The following C16orf96 variants were observed in gnomAD, a reference collection of about 807,000 sequenced individuals.
C16orf96 encodes uncharacterized protein C16orf96.
A neutral mutation model predicts 103.6 loss-of-function variants in C16orf96; 108 were observed. The ratio of observed to expected loss-of-function variants is 1.04; its 90% CI spans 0.89 to 1.22. The LOEUF (loss-of-function observed/expected upper bound fraction) is 1.22, where lower values mean the gene tolerates loss of function less well. Ranked by LOEUF, C16orf96 falls within the 50% of genes most tolerant of loss-of-function variation. The probability of loss-of-function intolerance (pLI) is 0.00; values close to 1 mark genes in which losing one functional copy is unlikely to be tolerated. For missense variants in C16orf96, 1,586 were observed against 1,464.2 expected, an observed-to-expected ratio of 1.08 and a Z score of -1.36; for synonymous variants, 566 against 593.5, an observed-to-expected ratio of 0.95 and a Z score of 0.67.
chr16:4,593,161 A>G lies in C16orf96; in HGVS notation c.2775-63A>G. On this transcript the variant is annotated intron_variant, in intron 11 of 15. Coordinates refer to ENST00000444310, the MANE Select transcript of C16orf96 (RefSeq NM_001145011.2). The surrounding 1 kb of genome is among the most constrained non-coding windows in gnomAD (Gnocchi z 4.2). ...GGAAGGCTTCCTGGAGGGGTGGGAG[A>G]CGAGCCCTCTGCTGGCCTAGCACGC... 6.9e-7 allele frequency: 1 copy of G among 1,458,534 alleles called. No individual in the cohort carries two copies. The highest frequency in any genetic ancestry group is 9.4e-7 in the Non-Finnish European group (1 of 1,065,008). The allele number at this position is 1,458,534 out of a possible 1,614,324, so 90.3% of individuals were successfully genotyped here.
At position 4,600,116 on chromosome 16, in the gene C16orf96, C is replaced by T. The variant is rs978937048; in HGVS notation, c.3225C>T (p.Ser1075=). Residue 1075 remains serine, a synonymous_variant, in exon 16 of 16, where the codon TCC becomes TCT. Coordinates refer to ENST00000444310, the MANE Select transcript of C16orf96 (RefSeq NM_001145011.2). ...CCTCCCCAGCCCTGTGCCCCCGCTC[C>T]AGTGCCTGCTCAGCTGCCTCGGGCC... ...GAICPPLCPR[S]SACSAASGPH... The T allele has an allele frequency of 6.4e-7, 1 of 1,551,808 alleles. No homozygotes were observed. Among genetic ancestry groups the T allele is most frequent in the African/African-American group, 1.4e-5 (1 of 73,140 alleles).
At position 4,576,565 on chromosome 16, in the gene C16orf96, C is replaced by T. The variant is rs1422480686; in HGVS notation, c.2085C>T (p.Val695=). 11 of 1,547,726 alleles carry T rather than the reference C, an allele frequency of 7.1e-6. No individual in the cohort carries two copies. Among genetic ancestry groups the T allele is most frequent in the East Asian group, 4.9e-5 (2 of 40,844 alleles). The change falls in exon 5 of 16, where the codon GTC becomes GTT. Residue 695 remains valine (V), a synonymous_variant. Transcript: ENST00000444310. ...YSMSHIAQIP[V]KHDSLKEEFA... ...TGAGCCACATAGCCCAGATACCTGT[C>T]AAACACGACTCTCTGAAGGAAGAAT... is the stretch of plus-strand genomic sequence containing the variant.
rs1897104717 is a variant in C16orf96 at position 4,593,414 on chromosome 16, A to C, written c.2867+98A>C. 4.0e-5 allele frequency: 47 copies of C among 1,186,614 alleles called. No individual in the cohort carries two copies. Among genetic ancestry groups the C allele is most frequent in the Non-Finnish European group, 5.4e-5 (45 of 834,030 alleles). 73.5% of individuals were successfully genotyped at this position (1,186,614 alleles called of 1,614,324 possible). ...CTGCAGAGACACATCCTCCAGGCCC[A>C]GGGACCTAAGATTGTCCTGGACATG... On this transcript the variant is annotated intron_variant, in intron 12 of 15. Transcript: ENST00000444310. The surrounding 1 kb of genome is among the most constrained non-coding windows in gnomAD (Gnocchi z 4.2).
Position 4,600,688 on chromosome 16 carries a change from A to C in C16orf96, c.*371A>C. ...ACCCAGTGGCTGTTTTATCCTGTGC[A>C]TATAAATACAAACAGCACAGTGCAC... On this transcript the variant is annotated 3_prime_UTR_variant, in exon 16 of 16. Coordinates refer to ENST00000444310, the MANE Select transcript of C16orf96 (RefSeq NM_001145011.2). 1 of 274,948 alleles carries C rather than the reference A, an allele frequency of 3.6e-6. No homozygotes were observed. 17.0% of individuals were successfully genotyped at this position (274,948 alleles called of 1,614,324 possible).
intron 6 of C16orf96, 100 bp from the exon 7 acceptor site, chr16:4,579,915 C>G: frequency 1.0e-6 from 1 of 1,004,496 alleles, no homozygotes; most frequent in Non-Finnish European, 1.5e-6. Flanking sequence ...CCAGCCTGGT[C>G]TGGTACATTC....
rs886102614 is a variant in C16orf96, at chr16:4,593,234, A to C, written c.2785A>C (p.Thr929Pro). Reference sequence around the variant, plus strand: ...CTTGTCCTCCAACAGACAGCTGATCACCATCCGCAAAGCCCACCTGCTGTC... The same window carrying C: ...CTTGTCCTCCAACAGACAGCTGATCCCCATCCGCAAAGCCCACCTGCTGTC... Reference protein sequence around the residue: ...VEMMTGPQLITIRKAHLLSRL... With the variant: ...VEMMTGPQLIPIRKAHLLSRL... Residue 929 changes from threonine (T) to proline (P), a missense_variant, in exon 12 of 16, where the codon ACC (threonine) becomes CCC (proline). By Grantham distance (38) the Thr-to-Pro change is conservative. Transcript: ENST00000444310. The surrounding 1 kb of genome is among the most constrained non-coding windows in gnomAD (Gnocchi z 4.2). 190 of 1,550,822 alleles carry C rather than the reference A, an allele frequency of 1.2e-4. 2 individuals are homozygous for C. The Admixed American group carries it at 3.6e-3, about 29-fold the overall frequency.
At position 4,582,285 on chromosome 16, in the gene C16orf96, A is replaced by AAAAT. The variant is rs140485410; in HGVS notation, c.2352+2199_2352+2202dup. 1.9e-3 allele frequency among the ~76,000 whole-genome samples: 286 copies of AAAAT among 149,330 alleles called. 3 individuals are homozygous for AAAAT. Among genetic ancestry groups the AAAAT allele is most frequent in the African/African-American group, 6.9e-3 (278 of 40,166 alleles). ...CGACAAGAGCAAGACTCAGTCTCAAAAAATAAATAAATAAATAAATAAATA... is the reference window on the plus strand; with the variant it reads ...CGACAAGAGCAAGACTCAGTCTCAAAAAATAAATAAATAAATAAATAAATAAATA... On this transcript the variant is annotated intron_variant, in intron 7 of 15. Transcript: ENST00000444310.
chr16:4,570,686 T>C (rs2059428495), intron 1 of C16orf96, among the ~76,000 whole-genome samples: 3 of 152,144 alleles, frequency 2.0e-5, no homozygotes, highest in Admixed American at 6.6e-5. Flanking sequence ...CAGACTGTTA[T>C]CGAACTCCTG....
rs1271331196 is a variant in C16orf96 at position 4,578,619 on chromosome 16, G to A, written c.2156-321G>A. On this transcript the variant is annotated intron_variant, in intron 5 of 15. Coordinates refer to ENST00000444310, the MANE Select transcript of C16orf96 (RefSeq NM_001145011.2). ...CTAAAAATACAAAAATTAGCTGGGC[G>A]TGGTGGCGTGTGCCTGTAATCCCAG... 6.6e-5 allele frequency among the ~76,000 whole-genome samples: 10 copies of A among 151,994 alleles called. No homozygotes were observed. In the East Asian group the frequency reaches 7.8e-4, roughly 12 times the overall value.
At chr16:4,551,090 T>C in the C16orf96 span, among the ~76,000 whole-genome samples, 1 of 152,118 alleles carries the variant, frequency 6.6e-6, no homozygotes, top group Non-Finnish European at 1.5e-5. Flanking sequence ...CTGGCCAACA[T>C]GGTGAGACCC....
chr16:4,594,674 C>A (rs1326214786), intron 13 of C16orf96, 30 bp from the exon 14 acceptor site: 1 of 1,550,248 alleles, frequency 6.5e-7, no homozygotes, highest in East Asian at 2.4e-5. Flanking sequence ...GTCGGGGGCT[C>A]CCTAACCCGG....
At chr16:4,582,711 C>T (rs1219242397) in intron 7 of C16orf96, among the ~76,000 whole-genome samples, 2 of 152,128 alleles carry the variant, frequency 1.3e-5, no homozygotes, top group Non-Finnish European at 2.9e-5. Flanking sequence ...TCTTGGTGCC[C>T]TTTCTCCATG....
chr16:4,579,070 G>C, intron 6 of C16orf96, 45 bp downstream of exon 6: 1 of 1,515,204 alleles, frequency 6.6e-7, no homozygotes, highest in Non-Finnish European at 9.0e-7. Context: ...GATGGCTTGA[G>C]GTGAGCTGGC....
Position 4,556,746 on chromosome 16 carries a change from G to A in C16orf96, c.257G>A (p.Ser86Asn), listed in dbSNP as rs1384519806. The A allele has an allele frequency of 1.4e-5, 21 of 1,551,514 alleles. No homozygotes were observed. Among genetic ancestry groups the A allele is most frequent in the Non-Finnish European group, 8.7e-7 (1 of 1,147,006 alleles). Residue 86 changes from serine (S) to asparagine (N), a missense_variant, in exon 1 of 16, where the codon AGC (serine) becomes AAC (asparagine). Coordinates refer to ENST00000444310, the MANE Select transcript of C16orf96 (RefSeq NM_001145011.2). Reference protein sequence around the residue: ...RLSNVFDHVVSRLDKLENQLA... With the variant: ...RLSNVFDHVVNRLDKLENQLA... ...AGCAATGTCTTCGACCACGTGGTGAGCCGCCTCGACAAGTTGGAGAACCAG... is the reference window on the plus strand; with the variant it reads ...AGCAATGTCTTCGACCACGTGGTGAACCGCCTCGACAAGTTGGAGAACCAG...
chr16:4,589,014 C>G (rs1403734865), intron 9 of C16orf96, among the ~76,000 whole-genome samples: 1 of 152,102 alleles, frequency 6.6e-6, no homozygotes, highest in South Asian at 2.1e-4. Flanking sequence ...CCTCTAGACA[C>G]TTCCCCGGGG....
the C16orf96 span, among the ~76,000 whole-genome samples, chr16:4,545,608 G>A: frequency 6.6e-6 from 1 of 152,098 alleles, no homozygotes; most frequent in Non-Finnish European, 1.5e-5. Context: ...ACCCTGACCT[G>A]CCTTCAGCAA....
the C16orf96 span, among the ~76,000 whole-genome samples, chr16:4,549,021 G>A: frequency 3.9e-5 from 6 of 152,052 alleles, no homozygotes; most frequent in African/African-American, 7.2e-5. Flanking sequence ...TACAGAGACC[G>A]AGGGGTGATG....
upstream of C16orf96, among the ~76,000 whole-genome samples, chr16:4,554,665 T>C (rs2059247144): frequency 6.6e-6 from 1 of 151,430 alleles, no homozygotes; most frequent in South Asian, 2.1e-4. Flanking sequence ...ATCGCCCTTC[T>C]TTGTTTGAGA....
chr16:4,563,430 T>A (rs986466834), intron 1 of C16orf96, among the ~76,000 whole-genome samples: 1 of 152,176 alleles, frequency 6.6e-6, no homozygotes, highest in Admixed American at 6.5e-5. Flanking sequence ...CTAATTTGTA[T>A]TTTTTGTAGA....
Sources: allele counts gnomAD v4.1 joint callset (sites outside exome capture counted in the v4.1 genomes callset), GRCh38; gene constraint gnomAD v4.1.1; non-coding constraint Gnocchi (gnomAD v3.1); transcripts MANE v1.5; gene names NCBI Gene and HGNC (gene_info 2026-07-23, HGNC 2026-07-21).